The following CHD6 variants were observed in gnomAD, a reference collection of about 807,000 sequenced individuals.
CHD6 encodes chromodomain helicase DNA binding protein 6.
A neutral mutation model predicts 276.9 loss-of-function variants in CHD6; 50 were observed. That is an observed-to-expected ratio of 0.18 (90% CI 0.14 to 0.23). CHD6 has a LOEUF of 0.23. Ranked by LOEUF, CHD6 falls within the 10% of genes least tolerant of loss-of-function variation. CHD6 has a pLI of 1.00. For synonymous variants in CHD6, 1,173 were observed against 1,229.3 expected, an observed-to-expected ratio of 0.95 and a Z score of 0.96; for missense variants, 2,564 against 3,365.8, an observed-to-expected ratio of 0.76 and a Z score of 5.89.
At chr20:41,523,925 A>G (rs970858776) in intron 3 of CHD6, among the ~76,000 whole-genome samples, 2 of 152,220 alleles carry the variant, frequency 1.3e-5, no homozygotes, top group African/African-American at 4.8e-5. Context: ...AAAATGATTC[A>G]TCTTCTCATT....
chr20:41,614,413 G>A (rs1415706940), intron 1 of CHD6, among the ~76,000 whole-genome samples: 1 of 151,886 alleles, frequency 6.6e-6, no homozygotes, highest in Non-Finnish European at 1.5e-5. Context: ...TGACTATAAA[G>A]AAAAAAGGTT....
intron 16 of CHD6, among the ~76,000 whole-genome samples, chr20:41,481,209 T>G (rs148473109): frequency 6.6e-6 from 1 of 151,718 alleles, no homozygotes; most frequent in African/African-American, 2.4e-5. Flanking sequence ...AATTTAAGCT[T>G]AAGTTCAGGC....
intron 11 of CHD6, among the ~76,000 whole-genome samples, chr20:41,490,821 T>TAAAAAATA (rs2043534727): frequency 6.6e-6 from 1 of 151,292 alleles, no homozygotes; most frequent in African/African-American, 2.4e-5. Flanking sequence ...TCAACAAAAA[T>TAAAAAATA]AAAAAATAAA....
In CHD6 at chr20:41,473,408, T is replaced by C. The variant is rs758337657; in HGVS notation, c.2578A>G (p.Arg860Gly). 4 of 1,614,118 alleles carry C rather than the reference T, an allele frequency of 2.5e-6. No homozygotes were observed. The highest frequency in any genetic ancestry group is 3.4e-6 in the Non-Finnish European group (4 of 1,180,000). ...SDRFVFLLCTRAGGLGINLTA... is the reference protein window; with the variant it reads ...SDRFVFLLCTGAGGLGINLTA... ...AGATTGATCCCCAGGCCTCCCGCTC[T>C]GGTGCACAGAAGAAAGACAAAGCGG... Residue 860 changes from arginine (R) to glycine (G), a missense_variant, in exon 17 of 37, where the codon AGA becomes GGA. This residue lies in a region of CHD6 where 457 missense variants were observed against 889.0 expected (regional missense o/e 0.51). Transcript: ENST00000373233. This position sits in a 1 kb window ranked among gnomAD's most constrained non-coding sequence, Gnocchi z 4.1.
intron 5 of CHD6, among the ~76,000 whole-genome samples, chr20:41,501,545 T>C (rs906397302): frequency 2.6e-5 from 4 of 152,218 alleles, no homozygotes; most frequent in African/African-American, 7.2e-5. Flanking sequence ...TAATATAAAC[T>C]ATCCACTCTA....
rs542016522 is a variant in CHD6 at position 41,588,971 on chromosome 20, A to G, written c.-24+29369T>C. On this transcript the variant is annotated intron_variant, in intron 1 of 36. Coordinates refer to ENST00000373233, the MANE Select transcript of CHD6 (RefSeq NM_032221.5). Reference sequence around the variant, plus strand: ...AACATCGATGCAAAAATCCTCAATAAAATACTGGCAAACCGAATCCAGCAG... The same window carrying G: ...AACATCGATGCAAAAATCCTCAATAGAATACTGGCAAACCGAATCCAGCAG... Among the ~76,000 whole-genome samples the G allele has an allele frequency of 7.3e-5, 11 of 149,742 alleles. No homozygotes were observed. The South Asian group carries it at 2.3e-3, about 31-fold the overall frequency.
In CHD6 at chr20:41,512,930, C is replaced by T. The variant is rs200844843; in HGVS notation, c.768G>A (p.Val256=). The change falls in exon 5 of 37, where the codon GTG becomes GTA. Residue 256 remains valine, a synonymous_variant. Coordinates refer to ENST00000373233, the MANE Select transcript of CHD6 (RefSeq NM_032221.5). ...CAGCAATTGTTTCCCCATCATCATC[C>T]ACCACTTTGAAGTCCAGGTCCTCAT... ...KYNEDLDFKV[V]DDDGETIAVL... The T allele has an allele frequency of 1.2e-5, 20 of 1,614,052 alleles. No individual in the cohort carries two copies. Among genetic ancestry groups the T allele is most frequent in the Non-Finnish European group, 1.6e-5 (19 of 1,179,948 alleles).
At chr20:41,600,417 G>A (rs2045761577) in intron 1 of CHD6, among the ~76,000 whole-genome samples, 1 of 152,172 alleles carries the variant, frequency 6.6e-6, no homozygotes, top group Non-Finnish European at 1.5e-5. Flanking sequence ...GAACTAAGCG[G>A]AGTAGGGTAG....
intron 1 of CHD6, among the ~76,000 whole-genome samples, chr20:41,556,025 G>A (rs1215438860): frequency 7.9e-5 from 12 of 152,228 alleles, no homozygotes; most frequent in South Asian, 2.1e-4. Context: ...CGAGGCTGGC[G>A]GATCACTCGC....
intron 1 of CHD6, among the ~76,000 whole-genome samples, chr20:41,578,479 G>C (rs1472884940): frequency 6.6e-6 from 1 of 152,124 alleles, no homozygotes; most frequent in Non-Finnish European, 1.5e-5. Context: ...TGTAGCAATA[G>C]TGAAATAATT....
In CHD6 at chr20:41,457,353, C is replaced by T; in HGVS notation, c.2740G>A (p.Glu914Lys). The T allele has an allele frequency of 6.2e-7, 1 of 1,614,086 alleles. No individual in the cohort carries two copies. ...VYRLITRNSY[E>K]REMFDKASLK... ...CTGGCCTTGTCAAACATCTCGCGCT[C>T]GTAGGAATTTCGAGTGATGAGGCGA... The change falls in exon 18 of 37, where the codon GAG becomes AAG. Residue 914 changes from glutamate (E) to lysine (K), a missense_variant. Glu to Lys is a moderately conservative substitution (Grantham distance 56). Transcript: ENST00000373233.
intron 14 of CHD6, 95 bp from the exon 15 acceptor site, chr20:41,484,702 C>T (rs2043371058): frequency 1.5e-6 from 2 of 1,303,172 alleles, no homozygotes; most frequent in East Asian, 2.3e-5. Context: ...TGAACATTTA[C>T]CCATAGTACT....
At chr20:41,522,110 G>A (rs1038736325) in intron 3 of CHD6, among the ~76,000 whole-genome samples, 9 of 152,170 alleles carry the variant, frequency 5.9e-5, no homozygotes, top group Non-Finnish European at 1.3e-4. Context: ...GTAGGCTGGG[G>A]CAGGAGGATG....
intron 5 of CHD6, among the ~76,000 whole-genome samples, 192 bp from the exon 6 acceptor site, chr20:41,499,549 T>G (rs1402111907): frequency 6.6e-6 from 1 of 152,198 alleles, no homozygotes; most frequent in Admixed American, 6.5e-5. Context: ...AAGTGGTGGC[T>G]TCTAAGCTCT....
intron 22 of CHD6, among the ~76,000 whole-genome samples, chr20:41,451,411 A>G (rs1036819847): frequency 6.6e-6 from 1 of 152,234 alleles, no homozygotes; most frequent in African/African-American, 2.4e-5. Context: ...GGCTGGGAGA[A>G]AAGGAACATT....
chr20:41,618,183 CCAGCCCGGCCGGGCCTGGACGCCGCCG>C (rs1444175348), intron 1 of CHD6, among the ~76,000 whole-genome samples, 130 bp downstream of exon 1: 2 of 151,036 alleles, frequency 1.3e-5, no homozygotes, highest in Non-Finnish European at 3.0e-5. Context: ...CGCTCGGACC[CCAGCCCGGCCGGGCCTGGACGCCGCCG>C]CAGCCCCTCA....
chr20:41,443,242 G>A (rs1997747), intron 25 of CHD6, among the ~76,000 whole-genome samples: 20,382 of 152,138 alleles, frequency 0.13, 1,586 homozygotes, highest in East Asian at 0.17. Context: ...ATTTGGGAGC[G>A]ACCTTATGTA....
intron 3 of CHD6, among the ~76,000 whole-genome samples, chr20:41,516,415 C>G (rs1449591781): frequency 2.6e-5 from 4 of 152,156 alleles, no homozygotes; most frequent in Admixed American, 1.3e-4. Context: ...CTCAAATGAT[C>G]TGCCTGCCTC....
intron 28 of CHD6, 88 bp from the exon 29 acceptor site, chr20:41,425,482 G>A (rs2145496562): frequency 7.8e-7 from 1 of 1,274,216 alleles, no homozygotes; most frequent in Non-Finnish European, 1.1e-6. Flanking sequence ...TAAAAACAAA[G>A]CTGACTCAAT....
Sources: gnomAD v4.1 joint callset for allele counts (sites outside exome capture counted in the v4.1 genomes callset) on GRCh38, gnomAD v4.1.1 for gene constraint, gnomAD v4.1.1 regional missense constraint, Gnocchi (gnomAD v3.1) non-coding constraint, MANE v1.5 for transcripts, NCBI Gene and HGNC (gene_info 2026-07-23, HGNC 2026-07-21) for gene names.